SEZ6L: variants seen among roughly 807,000 people sequenced by gnomAD.
SEZ6L encodes seizure related 6 homolog like, also known as seizure 6-like protein.
Under a neutral mutation model 106.2 loss-of-function variants are expected in SEZ6L, and 37 were observed. The ratio of observed to expected loss-of-function variants is 0.35; its 90% CI spans 0.27 to 0.46. The LOEUF is 0.46. SEZ6L is among the 20% of genes least tolerant of loss of function. The pLI, the probability that SEZ6L is intolerant of heterozygous loss-of-function variation, is 1.00. For synonymous variants in SEZ6L, 541 were observed against 570.4 expected (o/e 0.95, Z 0.73); for missense variants, 1,172 against 1,332.8 (o/e 0.88, Z 1.88).
intron 1 of SEZ6L, among the ~76,000 whole-genome samples, chr22:26,222,923 C>T (rs1312157173): frequency 6.6e-6 from 1 of 151,678 alleles, no homozygotes; most frequent in Non-Finnish European, 1.5e-5. Flanking sequence ...TTGCTACCGG[C>T]ATCTACTGTG....
At chr22:26,223,690 T>C (rs1411697197) in intron 1 of SEZ6L, among the ~76,000 whole-genome samples, 1 of 152,238 alleles carries the variant, frequency 6.6e-6, no homozygotes, top group African/African-American at 2.4e-5. Context: ...AAAAGGATTA[T>C]TGTGCATTTT....
At chr22:26,331,948 G>A (rs140430083) in intron 9 of SEZ6L, among the ~76,000 whole-genome samples, 232 of 152,162 alleles carry the variant, frequency 1.5e-3, no homozygotes, top group African/African-American at 5.3e-3. Context: ...TCGTGCCACT[G>A]CACTCCAGCC....
chr22:26,330,083 G>A (rs545036612), intron 9 of SEZ6L, among the ~76,000 whole-genome samples: 13 of 152,310 alleles, frequency 8.5e-5, no homozygotes, highest in East Asian at 1.9e-4. Flanking sequence ...TAAATTTGCC[G>A]TCATTCCTTC....
At chr22:26,219,327 C>CA (rs560535126) in intron 1 of SEZ6L, among the ~76,000 whole-genome samples, 3 of 140,822 alleles carry the variant, frequency 2.1e-5, no homozygotes, top group African/African-American at 7.7e-5. Context: ...CCCACAATGA[C>CA]AAAAATGAAC....
At chr22:26,329,948 T>C (rs1270949892) in intron 9 of SEZ6L, among the ~76,000 whole-genome samples, 1 of 152,294 alleles carries the variant, frequency 6.6e-6, no homozygotes, top group Non-Finnish European at 1.5e-5. Flanking sequence ...CTTTAGATCC[T>C]ATGATTTATT....
chr22:26,327,345 ACACACATGC>A (rs151020880), intron 9 of SEZ6L, among the ~76,000 whole-genome samples: 49,452 of 127,032 alleles, frequency 0.39, 9,527 homozygotes, highest in African/African-American at 0.49. Flanking sequence ...CACACACACC[ACACACATGC>A]CACACATGCC....
intron 1 of SEZ6L, among the ~76,000 whole-genome samples, chr22:26,226,320 C>A (rs571536575): frequency 6.6e-6 from 1 of 152,324 alleles, no homozygotes; most frequent in Admixed American, 6.5e-5. Flanking sequence ...GGTCTGGTTC[C>A]TTGCCCACCT....
chr22:26,375,721 G>A, intron 15 of SEZ6L, 32 bp downstream of exon 15: 2 of 1,543,886 alleles, frequency 1.3e-6, no homozygotes, highest in Non-Finnish European at 1.8e-6. Flanking sequence ...TGACTGCCAA[G>A]CACCCAGCCA....
At position 26,380,476 on chromosome 22, in the gene SEZ6L, T is replaced by C; in HGVS notation, c.*181T>C. The C allele has an allele frequency of 2.0e-6, 1 of 493,600 alleles. No homozygotes were observed. Among genetic ancestry groups the C allele is most frequent in the East Asian group, 3.0e-5 (1 of 32,926 alleles). 30.6% of individuals were successfully genotyped at this position (493,600 alleles called of 1,614,324 possible). ...TTATTATATTTAAAAGTGAAATAGGTGTGGGTTTGGATGTTTCGCGGCCTC... is the reference window on the plus strand; with the variant it reads ...TTATTATATTTAAAAGTGAAATAGGCGTGGGTTTGGATGTTTCGCGGCCTC... On this transcript the variant is annotated 3_prime_UTR_variant, in exon 17 of 17. Coordinates refer to ENST00000248933, the MANE Select transcript of SEZ6L (RefSeq NM_021115.5).
intron 9 of SEZ6L, among the ~76,000 whole-genome samples, chr22:26,330,412 C>T (rs2082444237): frequency 6.6e-6 from 1 of 152,170 alleles, no homozygotes; most frequent in Non-Finnish European, 1.5e-5. Flanking sequence ...CACTTGAAAA[C>T]CTTAGCTAGT....
chr22:26,219,579 T>C (rs1482612027), intron 1 of SEZ6L, among the ~76,000 whole-genome samples: 1 of 152,102 alleles, frequency 6.6e-6, no homozygotes, highest in Non-Finnish European at 1.5e-5. Flanking sequence ...TTAACCACTT[T>C]CTAAGGGCAT....
intron 1 of SEZ6L, among the ~76,000 whole-genome samples, chr22:26,221,283 G>A (rs2078461986): frequency 6.6e-6 from 1 of 151,890 alleles, no homozygotes; most frequent in East Asian, 1.9e-4. Flanking sequence ...AAGCCTTGTA[G>A]TGTTCCTCCA....
rs745800880 is a variant in SEZ6L, at chr22:26,347,799, C to T, written c.2293C>T (p.Arg765Trp). The T allele has an allele frequency of 3.1e-5, 50 of 1,608,464 alleles. No homozygotes were observed. In the East Asian group the frequency reaches 9.9e-4, roughly 32 times the overall value. Residue 765 changes from arginine (R) to tryptophan (W), a missense_variant, in exon 11 of 17, where the codon CGG becomes TGG. Physicochemically the swap from Arg to Trp is moderately radical, Grantham distance 101 (BLOSUM62 -3). This residue lies in a region of SEZ6L where 534 missense variants were observed against 691.0 expected (regional missense o/e 0.77). Coordinates refer to ENST00000248933, the MANE Select transcript of SEZ6L (RefSeq NM_021115.5). ...WKTTSHTELV[R>W]GARITYQCDP... ...AACCACTTCTCACACGGAGTTGGTG[C>T]GGGGAGCCAGAATCACCTACCAGTG...
intron 1 of SEZ6L, among the ~76,000 whole-genome samples, chr22:26,223,392 T>G (rs1386517894): frequency 6.6e-6 from 1 of 152,212 alleles, no homozygotes; most frequent in African/African-American, 2.4e-5. Flanking sequence ...TTTTGCAACA[T>G]AAGCCACTAA....
intron 16 of SEZ6L, among the ~76,000 whole-genome samples, chr22:26,378,543 T>C (rs1181455166): frequency 6.6e-6 from 1 of 152,142 alleles, no homozygotes; most frequent in Non-Finnish European, 1.5e-5. Context: ...TTTTAAGGAC[T>C]ATGAAAAAAT....
chr22:26,361,520 A>AAAT (rs1568943948), intron 12 of SEZ6L, among the ~76,000 whole-genome samples: 4 of 124,266 alleles, frequency 3.2e-5, no homozygotes, highest in African/African-American at 1.3e-4. Context: ...AAAAAAAAAA[A>AAAT]ATATATATAT....
rs75504590 is a variant in SEZ6L at position 26,268,002 on chromosome 22, C to T, written c.95-24404C>T. On this transcript the variant is annotated intron_variant, in intron 1 of 16. Coordinates refer to ENST00000248933, the MANE Select transcript of SEZ6L (RefSeq NM_021115.5). ...GTGGGGAAGAAACTGAATTCATACA[C>T]ATGGCACTATTCAAACAAAGCCATG... Among the ~76,000 whole-genome samples the T allele has an allele frequency of 4.8e-3, 728 of 152,330 alleles. 6 individuals carry two copies. Among genetic ancestry groups the T allele is most frequent in the African/African-American group, 0.017 (698 of 41,576 alleles).
chr22:26,297,757 C>T lies in SEZ6L; in HGVS notation c.1162+677C>T, dbSNP rs2081342272. On this transcript the variant is annotated intron_variant, in intron 4 of 16. Coordinates refer to ENST00000248933, the MANE Select transcript of SEZ6L (RefSeq NM_021115.5). ...TCTCCTTCCTTCTCTTCTCCTCCCTCTTTGCTTGCTTGTTTTATTTCTTCA... is the reference window on the plus strand; with the variant it reads ...TCTCCTTCCTTCTCTTCTCCTCCCTTTTTGCTTGCTTGTTTTATTTCTTCA... Among the ~76,000 whole-genome samples the T allele has an allele frequency of 2.0e-5, 3 of 151,758 alleles. No homozygotes were observed. The South Asian group carries it at 6.2e-4, about 32-fold the overall frequency.
intron 12 of SEZ6L, among the ~76,000 whole-genome samples, chr22:26,359,331 A>G (rs147977633): frequency 6.6e-6 from 1 of 152,240 alleles, no homozygotes; most frequent in Non-Finnish European, 1.5e-5. Flanking sequence ...GGGACTTTTC[A>G]CCAGTGAGTT....
Sources: allele counts gnomAD v4.1 joint callset (sites outside exome capture counted in the v4.1 genomes callset), GRCh38; gene constraint gnomAD v4.1.1; regional missense constraint gnomAD v4.1.1; transcripts MANE v1.5; gene names NCBI Gene and HGNC (gene_info 2026-07-23, HGNC 2026-07-21).